The following ZNF345 variants were observed in gnomAD, a reference collection of about 807,000 sequenced individuals.
The protein encoded by ZNF345 is zinc finger protein 345.
For synonymous variants in ZNF345, 166 were observed against 187.9 expected, an observed-to-expected ratio of 0.88 and a Z score of 0.95; for missense variants, 527 against 589.9, an observed-to-expected ratio of 0.89 and a Z score of 1.10.
At chr19:36,866,483 T>C (rs1215367407) in intron 2 of ZNF345, among the ~76,000 whole-genome samples, 2 of 152,202 alleles carry the variant, frequency 1.3e-5, no homozygotes, top group South Asian at 2.1e-4. Context: ...CTAAAGAATA[T>C]TATACAGCTT....
intron 2 of ZNF345, among the ~76,000 whole-genome samples, chr19:36,861,981 T>C (rs1395750927): frequency 6.6e-6 from 1 of 151,674 alleles, no homozygotes; most frequent in East Asian, 1.9e-4. Flanking sequence ...CTGCCTCAGC[T>C]TCCTGAGTAG....
intron 2 of ZNF345, among the ~76,000 whole-genome samples, chr19:36,861,871 T>A (rs1405708655): frequency 6.8e-6 from 1 of 146,014 alleles, no homozygotes; most frequent in East Asian, 2.1e-4. Context: ...TTTTTTTTTT[T>A]TTTTTCTTGA....
intron 2 of ZNF345, among the ~76,000 whole-genome samples, chr19:36,876,292 T>C (rs548973378): frequency 1.1e-4 from 16 of 152,346 alleles, no homozygotes; most frequent in African/African-American, 3.8e-4. Context: ...TCCATCAGTT[T>C]ATATGCAAAT....
At chr19:36,885,574 CGT>C (rs2072991878) in intron 3 of ZNF345, among the ~76,000 whole-genome samples, 4 of 151,206 alleles carry the variant, frequency 2.6e-5, no homozygotes, top group South Asian at 2.1e-4. Context: ...TGTTTGTGTG[CGT>C]GTGTGTGTGT....
At chr19:36,856,893 A>C (rs1415541670) in intron 2 of ZNF345, among the ~76,000 whole-genome samples, 3 of 152,184 alleles carry the variant, frequency 2.0e-5, no homozygotes, top group Non-Finnish European at 4.4e-5. Flanking sequence ...TTTTCATTAC[A>C]AAAAGAATTC....
At chr19:36,888,540 AAAG>A (rs2073019598) in intron 3 of ZNF345, 3 of 152,182 alleles carry the variant, frequency 2.0e-5, no homozygotes, top group Non-Finnish European at 4.4e-5. Flanking sequence ...ACCTTTTAAA[AAAG>A]CATTCTTAAT....
At chr19:36,880,552 G>T (rs2072961873), downstream of ZNF345, among the ~76,000 whole-genome samples, 1 of 152,074 alleles carries the variant, frequency 6.6e-6, no homozygotes, top group African/African-American at 2.4e-5. Context: ...ACTTTGGGAG[G>T]CTGAGGCAGG....
chr19:36,877,647 CT>C lies in ZNF345; in HGVS notation c.819del (p.Thr274LeufsTer117). On this transcript the variant is annotated frameshift_variant, in exon 3 of 3. Coordinates refer to ENST00000420450, the MANE Select transcript of ZNF345 (RefSeq NM_001242472.2). LOFTEE classifies it low-confidence loss of function (END_TRUNC). Reference sequence around the variant, plus strand: ...TAAGGCCTTTAGTTTTGGATCAGCCCTTACTCGACATCAAAGAATTCATACT... The same window carrying C: ...TAAGGCCTTTAGTTTTGGATCAGCCCTACTCGACATCAAAGAATTCATACT... ...CGKAFSFGSA[L>X]TRHQRIHTGE... The C allele has an allele frequency of 6.2e-7, 1 of 1,614,048 alleles. No individual in the cohort carries two copies. The highest frequency in any genetic ancestry group is 8.5e-7 in the Non-Finnish European group (1 of 1,180,000).
chr19:36,859,012 T>A (rs2072485419), intron 2 of ZNF345, among the ~76,000 whole-genome samples: 1 of 151,960 alleles, frequency 6.6e-6, no homozygotes, highest in South Asian at 2.1e-4. Context: ...ACACTGGTCA[T>A]CTTAGTGGTG....
chr19:36,874,079 G>A (rs1183671336), intron 2 of ZNF345, among the ~76,000 whole-genome samples: 1 of 152,160 alleles, frequency 6.6e-6, no homozygotes, highest in Non-Finnish European at 1.5e-5. Flanking sequence ...TTTTTCTGGG[G>A]TTCTGCAGCA....
At chr19:36,867,185 A>G (rs2072678019) in intron 2 of ZNF345, among the ~76,000 whole-genome samples, 2 of 152,206 alleles carry the variant, frequency 1.3e-5, no homozygotes, top group South Asian at 4.1e-4. Context: ...GAATAGTCAC[A>G]CTTTTTACCT....
At chr19:36,891,825 T>C in intron 3 of ZNF345, 1 of 1,614,138 alleles carries the variant, frequency 6.2e-7, no homozygotes, top group African/African-American at 1.3e-5. Context: ...ATTCATAAGG[T>C]TTCTCACCAG....
intron 2 of ZNF345, among the ~76,000 whole-genome samples, chr19:36,852,481 C>T (rs561391103): frequency 2.0e-5 from 3 of 151,964 alleles, no homozygotes; most frequent in South Asian, 4.2e-4. Flanking sequence ...CGTGGTGGCA[C>T]GCGCCTGTAG....
chr19:36,871,995 G>A (rs1296550385), intron 2 of ZNF345, among the ~76,000 whole-genome samples: 3 of 152,096 alleles, frequency 2.0e-5, no homozygotes, highest in Admixed American at 2.0e-4. Context: ...TCAAATTCCC[G>A]ACCTCAGGTG....
At chr19:36,868,002 CTTT>C (rs569167997) in intron 2 of ZNF345, among the ~76,000 whole-genome samples, 7 of 127,042 alleles carry the variant, frequency 5.5e-5, no homozygotes, top group African/African-American at 1.2e-4. Context: ...TGAGGAGTGG[CTTT>C]TTTTTTTTTT....
chr19:36,884,064 A>G (rs1451593083), downstream of ZNF345, among the ~76,000 whole-genome samples: 4 of 151,706 alleles, frequency 2.6e-5, no homozygotes, highest in African/African-American at 7.3e-5. Flanking sequence ...ATTACAACTT[A>G]TTTATTTTTA....
At chr19:36,869,054 C>A (rs1369508672) in intron 2 of ZNF345, among the ~76,000 whole-genome samples, 1 of 152,118 alleles carries the variant, frequency 6.6e-6, no homozygotes, top group Non-Finnish European at 1.5e-5. Flanking sequence ...AACTGATGTA[C>A]TGCAATTCAG....
Position 36,879,381 on chromosome 19 carries a change from T to G in ZNF345, c.*1084T>G, listed in dbSNP as rs1324093848. ...CAATCATAGATAATCACTGTCAAAC[T>G]TTTGGAGCAAATCCTTTAATACTAT... On this transcript the variant is annotated 3_prime_UTR_variant, in exon 3 of 3. Coordinates refer to ENST00000420450, the MANE Select transcript of ZNF345 (RefSeq NM_001242472.2). The G allele has an allele frequency of 6.0e-6, 1 of 167,108 alleles. No individual in the cohort carries two copies. The highest frequency in any genetic ancestry group is 1.9e-4 in the East Asian group (1 of 5,202). 10.4% of individuals were successfully genotyped at this position (167,108 alleles called of 1,614,324 possible).
At chr19:36,861,704 G>A (rs10409144) in intron 2 of ZNF345, among the ~76,000 whole-genome samples, 25,172 of 151,922 alleles carry the variant, frequency 0.17, 2,423 homozygotes, top group African/African-American at 0.26. Context: ...GGGACTACAG[G>A]TGTGCACCAC....
Sources: gnomAD v4.1 joint callset for allele counts (sites outside exome capture counted in the v4.1 genomes callset) on GRCh38, gnomAD v4.1.1 for gene constraint, MANE v1.5 for transcripts, NCBI Gene and HGNC (gene_info 2026-07-23, HGNC 2026-07-21) for gene names.